The following PSD3 variants were observed in gnomAD, a reference collection of about 807,000 sequenced individuals.
The protein encoded by PSD3 is pleckstrin and Sec7 domain containing 3.
Under a neutral mutation model 105.5 loss-of-function variants are expected in PSD3, and 49 were observed. That is an observed-to-expected ratio of 0.46 (90% CI 0.37 to 0.59). The LOEUF is 0.59. Ranked by LOEUF, PSD3 falls within the 20% of genes least tolerant of loss-of-function variation. The pLI, the probability that PSD3 is intolerant of heterozygous loss-of-function variation, is 0.00. For missense variants in PSD3, 1,561 were observed against 1,263.8 expected (o/e 1.24, Z -3.57); for synonymous variants, 557 against 457.8 (o/e 1.22, Z -2.77).
chr8:18,552,094 G>C (rs1800803632), intron 15 of PSD3, among the ~76,000 whole-genome samples: 1 of 152,206 alleles, frequency 6.6e-6, no homozygotes. Flanking sequence ...GTTGACATTA[G>C]GTGGGCTGGC....
At chr8:18,620,475 C>T (rs1294485209) in intron 11 of PSD3, among the ~76,000 whole-genome samples, 3 of 151,718 alleles carry the variant, frequency 2.0e-5, no homozygotes, top group Non-Finnish European at 4.4e-5. Flanking sequence ...TTTGGGAGGC[C>T]AAGCCTGGTG....
chr8:18,576,597 C>T (rs964595365), intron 12 of PSD3, among the ~76,000 whole-genome samples: 2 of 152,016 alleles, frequency 1.3e-5, no homozygotes, highest in Admixed American at 1.3e-4. Context: ...AATCTCCTTC[C>T]AGGGAAATTT....
intron 1 of PSD3, among the ~76,000 whole-genome samples, chr8:18,967,426 G>A (rs1205176185): frequency 6.6e-6 from 1 of 152,098 alleles, no homozygotes; most frequent in African/African-American, 2.4e-5. Flanking sequence ...TTACAGGCGT[G>A]AGCCACCGCG....
At chr8:18,901,430 A>T (rs1421128847) in intron 2 of PSD3, among the ~76,000 whole-genome samples, 1 of 152,178 alleles carries the variant, frequency 6.6e-6, no homozygotes, top group Non-Finnish European at 1.5e-5. Flanking sequence ...ATTCAAGGGT[A>T]TTATTGATAG....
intron 1 of PSD3, among the ~76,000 whole-genome samples, chr8:18,997,153 C>A (rs547893283): frequency 1.3e-5 from 2 of 151,886 alleles, no homozygotes; most frequent in African/African-American, 4.8e-5. Flanking sequence ...TATATTCTGA[C>A]AACTCTCAAA....
chr8:18,742,324 C>T (rs1032546900), intron 9 of PSD3, among the ~76,000 whole-genome samples: 4 of 151,984 alleles, frequency 2.6e-5, no homozygotes, highest in Admixed American at 6.6e-5. Flanking sequence ...CAAAGACAGA[C>T]GGGCCTTAAA....
intron 2 of PSD3, among the ~76,000 whole-genome samples, chr8:18,926,901 C>T (rs1821402613): frequency 6.6e-6 from 1 of 152,256 alleles, no homozygotes; most frequent in South Asian, 2.1e-4. Context: ...CACCTCACCC[C>T]TGCCACTTTA....
chr8:18,708,574 C>T (rs747180278), intron 9 of PSD3, among the ~76,000 whole-genome samples: 31 of 152,256 alleles, frequency 2.0e-4, no homozygotes, highest in Non-Finnish European at 3.1e-4. Context: ...TTTACTCTAA[C>T]CTTCTGTAAC....
intron 4 of PSD3, among the ~76,000 whole-genome samples, chr8:18,859,184 C>T (rs1586245487): frequency 6.6e-6 from 1 of 150,730 alleles, no homozygotes; most frequent in Non-Finnish European, 1.5e-5. Flanking sequence ...GGTGACCAGG[C>T]GTCTTGTCAA....
chr8:18,885,436 G>T (rs1452713423), intron 2 of PSD3, among the ~76,000 whole-genome samples: 1 of 152,140 alleles, frequency 6.6e-6, no homozygotes, highest in Non-Finnish European at 1.5e-5. Context: ...GAAATATTGG[G>T]ACATTTAAGA....
At chr8:18,842,686 T>C (rs1033663171) in intron 4 of PSD3, among the ~76,000 whole-genome samples, 28 of 151,342 alleles carry the variant, frequency 1.9e-4, no homozygotes, top group African/African-American at 6.6e-4. Flanking sequence ...TGAGCCGAGA[T>C]AGCGCCACCG....
intron 15 of PSD3, among the ~76,000 whole-genome samples, chr8:18,553,966 G>T (rs758157599): frequency 3.9e-5 from 6 of 152,124 alleles, no homozygotes; most frequent in Non-Finnish European, 8.8e-5. Flanking sequence ...TCGCTGAGGT[G>T]ACGATTTGAT....
At chr8:19,017,845 T>C (rs1216512398), upstream of PSD3, among the ~76,000 whole-genome samples, 1 of 152,224 alleles carries the variant, frequency 6.6e-6, no homozygotes, top group African/African-American at 2.4e-5. Context: ...TTTTGGCTGT[T>C]AGGAATAACA....
intron 9 of PSD3, among the ~76,000 whole-genome samples, chr8:18,757,433 C>G (rs983221456): frequency 6.6e-6 from 1 of 152,156 alleles, no homozygotes; most frequent in African/African-American, 2.4e-5. Context: ...CACTGCATTC[C>G]AGCCTGGGCA....
intron 9 of PSD3, among the ~76,000 whole-genome samples, chr8:18,677,966 G>T (rs559703677): frequency 6.7e-6 from 1 of 148,214 alleles, no homozygotes; most frequent in African/African-American, 2.6e-5. Flanking sequence ...GCCGAGATCA[G>T]GCCACTGCAC....
chr8:18,618,520 T>G (rs185547060), intron 11 of PSD3, among the ~76,000 whole-genome samples: 1 of 140,666 alleles, frequency 7.1e-6, no homozygotes, highest in African/African-American at 2.5e-5. Flanking sequence ...ATCTATCATA[T>G]TTTACTTATT....
intron 12 of PSD3, among the ~76,000 whole-genome samples, chr8:18,599,418 A>T (rs1804269006): frequency 6.6e-6 from 1 of 152,218 alleles, no homozygotes; most frequent in Non-Finnish European, 1.5e-5. Flanking sequence ...AAATGAAATT[A>T]GGATCTTGAA....
intron 9 of PSD3, among the ~76,000 whole-genome samples, chr8:18,662,915 G>C (rs770876065): frequency 2.0e-5 from 3 of 152,172 alleles, no homozygotes; most frequent in Admixed American, 1.3e-4. Flanking sequence ...GAGGGAGTGG[G>C]AGCTACAGCA....
chr8:19,083,394 G>T lies in PSD3; in HGVS notation c.324+812C>A, dbSNP rs928030094. ...GGAGTGTGAGATGCTAACAACAAGGGCAGGCAAGGCCATGATCAGAGGCAG... is the reference window on the plus strand; with the variant it reads ...GGAGTGTGAGATGCTAACAACAAGGTCAGGCAAGGCCATGATCAGAGGCAG... On this transcript the variant is annotated intron_variant, in intron 1 of 1. Transcript: ENST00000521475. Among the ~76,000 whole-genome samples the T allele has an allele frequency of 2.0e-5, 3 of 152,162 alleles. No individual in the cohort carries two copies. The East Asian group carries it at 5.8e-4, about 29-fold the overall frequency.
Sources: allele counts gnomAD v4.1 joint callset (sites outside exome capture counted in the v4.1 genomes callset), GRCh38; gene constraint gnomAD v4.1.1; transcripts MANE v1.5; gene names NCBI Gene and HGNC (gene_info 2026-07-23, HGNC 2026-07-21).